Variants in RBFOX1 observed in about 807,000 individuals in gnomAD.
RBFOX1 encodes RNA binding fox-1 homolog 1, also known as RNA binding protein fox-1 homolog 1.
In RBFOX1, 8 loss-of-function variants were observed where a neutral mutation model predicts 57.7. The ratio of observed to expected loss-of-function variants is 0.14; its 90% CI spans 0.08 to 0.25. RBFOX1 has a LOEUF of 0.25. Among genes scored for constraint, RBFOX1 ranks in the 10% least tolerant of loss-of-function variants. The pLI is 1.00. For missense variants in RBFOX1, 611 were observed against 548.5 expected (o/e 1.11, Z -1.14); for synonymous variants, 326 against 222.4 (o/e 1.47, Z -4.15).
intron 4 of RBFOX1, among the ~76,000 whole-genome samples, chr16:7,253,905 T>TTTATATA: frequency 6.6e-6 from 1 of 152,326 alleles, no homozygotes; most frequent in African/African-American, 2.4e-5. Flanking sequence ...TACCTGAATC[T>TTTATATA]GAAGAGTCTT....
chr16:7,590,300 T>A (rs1169275124), intron 7 of RBFOX1, among the ~76,000 whole-genome samples: 2 of 152,040 alleles, frequency 1.3e-5, no homozygotes, highest in African/African-American at 4.8e-5. Context: ...GGAATATAGA[T>A]CCAGTATCTA....
intron 2 of RBFOX1, among the ~76,000 whole-genome samples, chr16:5,505,796 C>A (rs1185904585): frequency 5.3e-5 from 8 of 152,092 alleles, no homozygotes; most frequent in African/African-American, 9.7e-5. Flanking sequence ...TTGGGGATAC[C>A]CCTGGCAGCT....
intron 3 of RBFOX1, among the ~76,000 whole-genome samples, chr16:6,904,986 T>A (rs1430334360): frequency 1.3e-5 from 2 of 152,146 alleles, no homozygotes; most frequent in East Asian, 3.9e-4. Flanking sequence ...AGCCAGTCTG[T>A]CAGAGGTGCT....
intron 1 of RBFOX1, among the ~76,000 whole-genome samples, chr16:6,132,602 G>A (rs2096637379): frequency 6.6e-6 from 1 of 152,184 alleles, no homozygotes. Context: ...TACACGTGAA[G>A]CTAGTAAAAA....
chr16:6,299,239 C>A (rs377452812), intron 1 of RBFOX1, among the ~76,000 whole-genome samples: 34 of 152,274 alleles, frequency 2.2e-4, no homozygotes, highest in African/African-American at 7.9e-4. Context: ...ACAGTGGACC[C>A]TTTTCCTATT....
chr16:5,636,392 C>T (rs1458114496), intron 3 of RBFOX1, among the ~76,000 whole-genome samples: 3 of 152,086 alleles, frequency 2.0e-5, no homozygotes, highest in Non-Finnish European at 2.9e-5. Context: ...ATTTAATAAC[C>T]AGTAAGTTGT....
Position 7,684,840 on chromosome 16 carries a change from T to C in RBFOX1, c.995+8002T>C, listed in dbSNP as rs1358612726. 2.0e-5 allele frequency among the ~76,000 whole-genome samples: 3 copies of C among 152,108 alleles called. No homozygotes were observed. The East Asian group carries it at 5.8e-4, about 29-fold the overall frequency. On this transcript the variant is annotated intron_variant, in intron 14 of 15. Transcript: ENST00000550418. ...GTGGAGGCACTTTAATAATTCTTCC[T>C]GGACAATACCAGCTTCCCTGTTTTT...
intron 3 of RBFOX1, among the ~76,000 whole-genome samples, chr16:5,605,524 A>T (rs1180223979): frequency 2.0e-5 from 3 of 151,864 alleles, no homozygotes; most frequent in African/African-American, 7.3e-5. Flanking sequence ...TGCCTTTGGT[A>T]TAGGAGGGCA....
intron 2 of RBFOX1, among the ~76,000 whole-genome samples, chr16:5,469,139 T>G (rs1340296633): frequency 6.6e-6 from 1 of 152,156 alleles, no homozygotes; most frequent in African/African-American, 2.4e-5. Context: ...CTTCTGCTGC[T>G]TTGGAGAGCA....
intron 1 of RBFOX1, among the ~76,000 whole-genome samples, chr16:5,345,102 T>A (rs963591521): frequency 6.6e-6 from 1 of 152,198 alleles, no homozygotes; most frequent in Admixed American, 6.5e-5. Flanking sequence ...CGTGAAGACA[T>A]CGTTGTTCAT....
At chr16:6,327,458 T>G (rs2082506181) in intron 2 of RBFOX1, among the ~76,000 whole-genome samples, 1 of 152,156 alleles carries the variant, frequency 6.6e-6, no homozygotes, top group South Asian at 2.1e-4. Flanking sequence ...ACTTTGGATA[T>G]ATTTTTCTAA....
intron 2 of RBFOX1, among the ~76,000 whole-genome samples, chr16:6,549,873 C>A (rs2096959579): frequency 6.6e-6 from 1 of 152,110 alleles, no homozygotes; most frequent in Admixed American, 6.5e-5. Flanking sequence ...GTAGAGAGAC[C>A]TTCTCATGGA....
At chr16:7,654,031 G>A (rs1419442563) in intron 12 of RBFOX1, 84 bp downstream of exon 12, 19 of 1,377,854 alleles carry the variant, frequency 1.4e-5, no homozygotes, top group South Asian at 3.0e-5. Flanking sequence ...AGCGCATGAT[G>A]GTCTTGACTC....
At chr16:7,640,990 T>C (rs1055256214) in intron 11 of RBFOX1, among the ~76,000 whole-genome samples, 2 of 151,916 alleles carry the variant, frequency 1.3e-5, no homozygotes, top group African/African-American at 4.8e-5. Context: ...GCTTGGTTCT[T>C]GGAATGTAAA....
chr16:6,967,639 G>A (rs1368766561), intron 3 of RBFOX1, among the ~76,000 whole-genome samples: 2 of 152,012 alleles, frequency 1.3e-5, no homozygotes, highest in African/African-American at 2.4e-5. Flanking sequence ...GTTGAACAGC[G>A]AAGTGTGTGT....
intron 4 of RBFOX1, among the ~76,000 whole-genome samples, chr16:7,427,362 C>A (rs1009244132): frequency 3.3e-5 from 5 of 152,124 alleles, no homozygotes; most frequent in African/African-American, 9.7e-5. Context: ...CCAAGAGATG[C>A]TGATGCTGCT....
intron 2 of RBFOX1, among the ~76,000 whole-genome samples, chr16:5,500,159 C>A (rs1358474950): frequency 3.6e-5 from 5 of 140,270 alleles, no homozygotes; most frequent in Admixed American, 3.5e-4. Context: ...CCTTCCTCCC[C>A]TCCCACTCCC....
At chr16:5,374,561 A>G (rs2065939584) in intron 1 of RBFOX1, among the ~76,000 whole-genome samples, 1 of 152,126 alleles carries the variant, frequency 6.6e-6, no homozygotes, top group Admixed American at 6.6e-5. Flanking sequence ...GTGGGGTGGA[A>G]TTACAGATGG....
At chr16:5,293,533 A>G (rs997594255) in intron 1 of RBFOX1, among the ~76,000 whole-genome samples, 4 of 152,182 alleles carry the variant, frequency 2.6e-5, no homozygotes, top group Non-Finnish European at 4.4e-5. Flanking sequence ...CTCACTTAGC[A>G]TGATGTTTCC....
Sources: gnomAD v4.1 joint callset for allele counts (sites outside exome capture counted in the v4.1 genomes callset) on GRCh38, gnomAD v4.1.1 for gene constraint, MANE v1.5 for transcripts, NCBI Gene and HGNC (gene_info 2026-07-23, HGNC 2026-07-21) for gene names.